PRKG1: variants seen among roughly 807,000 people sequenced by gnomAD.
PRKG1 encodes protein kinase cGMP-dependent 1, also known as cGMP-dependent protein kinase 1.
Under a neutral mutation model 88.1 loss-of-function variants are expected in PRKG1, and 35 were observed. The ratio of observed to expected loss-of-function variants is 0.40; its 90% CI spans 0.30 to 0.53. The LOEUF (loss-of-function observed/expected upper bound fraction) is 0.53, where lower values mean the gene tolerates loss of function less well. PRKG1 is among the 20% of genes least tolerant of loss of function. The pLI, the probability that PRKG1 is intolerant of heterozygous loss-of-function variation, is 0.59. For synonymous variants in PRKG1, 303 were observed against 292.5 expected (o/e 1.04, Z -0.37); for missense variants, 540 against 839.8 (o/e 0.64, Z 4.41).
chr10:51,411,822 T>TG (rs1564483015), intron 2 of PRKG1, among the ~76,000 whole-genome samples: 2 of 152,206 alleles, frequency 1.3e-5, no homozygotes, highest in Non-Finnish European at 2.9e-5. Context: ...AAGTTGCTAT[T>TG]GGGGATCATT....
chr10:51,138,877 T>C (rs1205987856), intron 1 of PRKG1, among the ~76,000 whole-genome samples: 1 of 151,708 alleles, frequency 6.6e-6, no homozygotes, highest in African/African-American at 2.4e-5. Context: ...AGAGACGGGG[T>C]TTCACCATGT....
At chr10:52,219,973 T>C (rs1467044716) in intron 9 of PRKG1, among the ~76,000 whole-genome samples, 3 of 151,216 alleles carry the variant, frequency 2.0e-5, no homozygotes, top group Non-Finnish European at 4.4e-5. Context: ...GTGAACATCA[T>C]ATTTGCCTCT....
intron 1 of PRKG1, among the ~76,000 whole-genome samples, chr10:51,126,210 ATTAT>A (rs1258495581): frequency 8.2e-6 from 1 of 121,616 alleles, no homozygotes; most frequent in Non-Finnish European, 1.6e-5. Flanking sequence ...GTTATTTATA[ATTAT>A]TTATATATTT....
In PRKG1 at chr10:51,957,281, T is replaced by C. The variant is rs1291432131; in HGVS notation, c.762+49711T>C. 0.015 allele frequency among the ~76,000 whole-genome samples: 6 copies of C among 406 alleles called. 1 individual carries two copies. In the Admixed American group the frequency reaches 0.23, roughly 15 times the overall value. 0.3% of individuals were successfully genotyped at this position (406 alleles called of 152,430 possible). ...ACATAGCTTTTCCTTTCTTTCCTTT[T>C]CTTTTCTTTTTTTTTTCTTTTCTCT... On this transcript the variant is annotated intron_variant, in intron 5 of 17. Coordinates refer to ENST00000373980, the MANE Select transcript of PRKG1 (RefSeq NM_006258.4).
chr10:51,227,166 G>A (rs937974369), intron 2 of PRKG1, among the ~76,000 whole-genome samples: 1 of 149,668 alleles, frequency 6.7e-6, no homozygotes, highest in African/African-American at 2.4e-5. Flanking sequence ...TTTATATATG[G>A]TACATATATT....
At chr10:51,509,393 T>C (rs1227366236) in intron 3 of PRKG1, among the ~76,000 whole-genome samples, 1 of 152,186 alleles carries the variant, frequency 6.6e-6, no homozygotes, top group Middle Eastern at 3.2e-3. Flanking sequence ...ATTTTATCAC[T>C]TAAGTTCAAT....
intron 4 of PRKG1, among the ~76,000 whole-genome samples, chr10:51,874,958 G>A (rs1841256785): frequency 1.3e-5 from 2 of 152,226 alleles, no homozygotes; most frequent in South Asian, 4.1e-4. Flanking sequence ...TCTGGGGAGA[G>A]GGCAGGGCCA....
chr10:51,690,169 G>A (rs1350857576), intron 3 of PRKG1, among the ~76,000 whole-genome samples: 4 of 151,966 alleles, frequency 2.6e-5, no homozygotes, highest in Non-Finnish European at 5.9e-5. Flanking sequence ...TAAATTACCA[G>A]ATTACATGAG....
At chr10:51,959,108 C>T (rs143457733) in intron 5 of PRKG1, among the ~76,000 whole-genome samples, 18 of 152,220 alleles carry the variant, frequency 1.2e-4, no homozygotes, top group South Asian at 1.0e-3. Flanking sequence ...AATTCAAAAC[C>T]AGACAGACTG....
chr10:51,312,953 G>GT (rs762290710), intron 2 of PRKG1, among the ~76,000 whole-genome samples: 25 of 152,170 alleles, frequency 1.6e-4, no homozygotes, highest in South Asian at 4.2e-4. Context: ...GTTGGTAATT[G>GT]TAATGTTTCA....
chr10:51,634,545 A>G (rs1839607364), intron 3 of PRKG1, among the ~76,000 whole-genome samples: 1 of 152,096 alleles, frequency 6.6e-6, no homozygotes, highest in South Asian at 2.1e-4. Context: ...GTAATTGGAC[A>G]CTTTCTGTAA....
intron 1 of PRKG1, chr10:51,148,272 G>GA: frequency 1.0e-6 from 1 of 985,118 alleles, no homozygotes; most frequent in Non-Finnish European, 1.2e-6. Context: ...AGGTGACTGT[G>GA]AAAATCATTT....
At chr10:51,617,844 A>T (rs1839101019) in intron 3 of PRKG1, among the ~76,000 whole-genome samples, 1 of 152,202 alleles carries the variant, frequency 6.6e-6, no homozygotes, top group South Asian at 2.1e-4. Flanking sequence ...GTTTTTCTCA[A>T]GCAAAGTATT....
intron 4 of PRKG1, among the ~76,000 whole-genome samples, chr10:51,871,910 C>T (rs938024164): frequency 3.3e-5 from 5 of 152,124 alleles, no homozygotes; most frequent in Admixed American, 6.5e-5. Flanking sequence ...TAAAACATTA[C>T]ATAGCAAATA....
At chr10:51,987,415 G>A (rs1466827823) in intron 5 of PRKG1, among the ~76,000 whole-genome samples, 1 of 150,548 alleles carries the variant, frequency 6.6e-6, no homozygotes, top group African/African-American at 2.4e-5. Context: ...ATACGTGGTA[G>A]AAGCTTTGTT....
At chr10:51,834,702 GAGAGAA>G (rs3029945) in intron 4 of PRKG1, among the ~76,000 whole-genome samples, 10,053 of 144,072 alleles carry the variant, frequency 0.07, 881 homozygotes, top group African/African-American at 0.2. Context: ...GAAAGAGAGA[GAGAGAA>G]AGAGAAAGAG....
chr10:52,099,721 G>A (rs151260454), intron 7 of PRKG1, among the ~76,000 whole-genome samples: 85 of 152,330 alleles, frequency 5.6e-4, no homozygotes, highest in African/African-American at 2.0e-3. Flanking sequence ...CTTAGATACT[G>A]TTAGGGTTGC....
chr10:52,093,160 A>G (rs74512770), intron 7 of PRKG1, among the ~76,000 whole-genome samples: 22,304 of 152,192 alleles, frequency 0.15, 1,917 homozygotes, highest in South Asian at 0.28. Context: ...TGTTAGAAAT[A>G]CATGACAAAT....
intron 3 of PRKG1, among the ~76,000 whole-genome samples, chr10:51,560,223 C>T (rs1317628036): frequency 6.6e-6 from 1 of 151,928 alleles, no homozygotes; most frequent in East Asian, 1.9e-4. Flanking sequence ...GGGATCTGTG[C>T]AAAAGCACAA....
Sources: allele counts gnomAD v4.1 joint callset (sites outside exome capture counted in the v4.1 genomes callset), GRCh38; gene constraint gnomAD v4.1.1; transcripts MANE v1.5; gene names NCBI Gene and HGNC (gene_info 2026-07-23, HGNC 2026-07-21).